The following TMEM135 variants were observed in gnomAD, a reference collection of about 807,000 sequenced individuals.
TMEM135 encodes transmembrane protein 135, also known as peroxisomal membrane protein 52.
A neutral mutation model predicts 60.3 loss-of-function variants in TMEM135; 30 were observed. The ratio of observed to expected loss-of-function variants is 0.50; its 90% CI spans 0.37 to 0.68. The LOEUF (loss-of-function observed/expected upper bound fraction) is 0.68. Ranked by LOEUF, TMEM135 falls within the 30% of genes least tolerant of loss-of-function variation. TMEM135 has a pLI of 0.00. For synonymous variants in TMEM135, 190 were observed against 186.7 expected (o/e 1.02, Z -0.14); for missense variants, 468 against 548.8 (o/e 0.85, Z 1.47).
At chr11:87,225,443 T>C (rs1228446586) in intron 5 of TMEM135, among the ~76,000 whole-genome samples, 1 of 152,100 alleles carries the variant, frequency 6.6e-6, no homozygotes, top group Non-Finnish European at 1.5e-5. Context: ...ATTATTATTA[T>C]GCTGAACTCT....
intron 4 of TMEM135, among the ~76,000 whole-genome samples, chr11:87,100,024 G>A (rs1014428177): frequency 6.6e-6 from 1 of 151,994 alleles, no homozygotes; most frequent in Non-Finnish European, 1.5e-5. Flanking sequence ...TGGCTGTATC[G>A]TTTTGTTAGG....
chr11:87,102,702 A>ATGTATATATG (rs1381146144), intron 4 of TMEM135, among the ~76,000 whole-genome samples: 44 of 82,834 alleles, frequency 5.3e-4, no homozygotes, highest in East Asian at 9.9e-4. Context: ...GTATATATAT[A>ATGTATATATG]TGTATATATA....
intron 4 of TMEM135, among the ~76,000 whole-genome samples, chr11:87,114,653 CAT>C (rs1395540465): frequency 1.3e-5 from 2 of 152,116 alleles, no homozygotes; most frequent in Admixed American, 6.6e-5. Flanking sequence ...GTATTTTAAA[CAT>C]GTATTCATTT....
intron 4 of TMEM135, among the ~76,000 whole-genome samples, chr11:87,143,499 C>T (rs1427708149): frequency 6.6e-6 from 1 of 151,834 alleles, no homozygotes; most frequent in African/African-American, 2.4e-5. Context: ...ACCTTAAGTT[C>T]TGCCCTCTGA....
intron 6 of TMEM135, among the ~76,000 whole-genome samples, chr11:87,264,426 G>C (rs568482606): frequency 6.6e-6 from 1 of 151,680 alleles, no homozygotes; most frequent in East Asian, 1.9e-4. Flanking sequence ...AGTTTGACAA[G>C]TATGTAGATA....
At chr11:87,317,650 T>C (rs1207448411) in intron 12 of TMEM135, among the ~76,000 whole-genome samples, 1 of 152,182 alleles carries the variant, frequency 6.6e-6, no homozygotes, top group Non-Finnish European at 1.5e-5. Context: ...TTTAATGCCA[T>C]GTTCTAGGTT....
intron 5 of TMEM135, among the ~76,000 whole-genome samples, chr11:87,195,437 T>G (rs1483473577): frequency 6.7e-6 from 1 of 149,358 alleles, no homozygotes; most frequent in Non-Finnish European, 1.5e-5. Flanking sequence ...CTTTCTCTCT[T>G]GTTTTTGAGA....
Position 87,319,337 on chromosome 11 carries a change from C to T in TMEM135, c.1204C>T (p.Pro402Ser). The change falls in exon 14 of 15, where the codon CCA becomes TCA. Residue 402 changes from proline to serine, a missense_variant. By Grantham distance (74) the Pro-to-Ser change is moderately conservative (BLOSUM62 -1). Coordinates refer to ENST00000305494, the MANE Select transcript of TMEM135 (RefSeq NM_022918.4). ...AAVMEVQTLR[P>S]SYWKFLLRLT... Reference sequence around the variant, plus strand: ...TGTCATGGAAGTTCAGACTTTGAGACCATCTTACTGGAAGTTCCTTTTAAG... The same window carrying T: ...TGTCATGGAAGTTCAGACTTTGAGATCATCTTACTGGAAGTTCCTTTTAAG... The T allele has an allele frequency of 6.2e-7, 1 of 1,613,342 alleles. No individual in the cohort carries two copies.
At chr11:87,207,539 A>G (rs187439667) in intron 5 of TMEM135, among the ~76,000 whole-genome samples, 1 of 152,210 alleles carries the variant, frequency 6.6e-6, no homozygotes, top group Non-Finnish European at 1.5e-5. Context: ...AGATATGATA[A>G]TAATCATCAC....
intron 4 of TMEM135, among the ~76,000 whole-genome samples, chr11:87,140,720 G>A (rs935343277): frequency 3.3e-5 from 5 of 152,132 alleles, no homozygotes; most frequent in Non-Finnish European, 7.4e-5. Context: ...GATCATAAAT[G>A]TTTTCTCCAG....
At chr11:87,312,603 AATAT>A in intron 10 of TMEM135, among the ~76,000 whole-genome samples, 1 of 151,972 alleles carries the variant, frequency 6.6e-6, no homozygotes, top group Non-Finnish European at 1.5e-5. Flanking sequence ...AGCTATAGAC[AATAT>A]ATAAATGAAC....
intron 5 of TMEM135, among the ~76,000 whole-genome samples, chr11:87,181,523 T>C (rs1040894195): frequency 3.3e-5 from 5 of 152,178 alleles, no homozygotes; most frequent in Non-Finnish European, 7.4e-5. Context: ...TATATGACAT[T>C]CTGCAAAAGC....
chr11:87,309,595 C>A lies in TMEM135; in HGVS notation c.859C>A (p.Arg287=). Residue 287 remains arginine, a synonymous_variant, in exon 10 of 15, where the codon CGG becomes AGG. Coordinates refer to ENST00000305494, the MANE Select transcript of TMEM135 (RefSeq NM_022918.4). ...AFRHLFTQPS[R]LLSLFYNKEN... ...TAGGCATCTGTTTACACAGCCATCT[C>A]GGCTACTTTCTCTCTTCTACAATAA... 2 of 1,613,878 alleles carry A rather than the reference C, an allele frequency of 1.2e-6. No individual in the cohort carries two copies. The highest frequency in any genetic ancestry group is 1.7e-6 in the Non-Finnish European group (2 of 1,179,832).
At chr11:87,064,432 C>T (rs1856608214) in intron 1 of TMEM135, among the ~76,000 whole-genome samples, 1 of 152,104 alleles carries the variant, frequency 6.6e-6, no homozygotes, top group Non-Finnish European at 1.5e-5. Flanking sequence ...AACAAAAATA[C>T]TGCCATTGAT....
chr11:87,175,153 T>C (rs1163445688), intron 5 of TMEM135, among the ~76,000 whole-genome samples: 1 of 152,156 alleles, frequency 6.6e-6, no homozygotes. Flanking sequence ...ATCTTGATAT[T>C]TATTTCAGTT....
chr11:87,248,308 A>G (rs940239939), intron 6 of TMEM135, among the ~76,000 whole-genome samples: 2 of 152,170 alleles, frequency 1.3e-5, no homozygotes, highest in Admixed American at 6.5e-5. Context: ...ACTAATTTAC[A>G]TTGCCACCAA....
At chr11:87,184,543 T>C (rs906677399) in intron 5 of TMEM135, among the ~76,000 whole-genome samples, 1 of 151,974 alleles carries the variant, frequency 6.6e-6, no homozygotes, top group African/African-American at 2.4e-5. Flanking sequence ...AATGAAGGAG[T>C]TTCTAGTGGC....
At chr11:87,145,862 T>C (rs1288615954) in intron 4 of TMEM135, among the ~76,000 whole-genome samples, 1 of 152,228 alleles carries the variant, frequency 6.6e-6, no homozygotes, top group East Asian at 1.9e-4. Context: ...TTGCAACCAT[T>C]TTCTCCCAAT....
chr11:87,275,088 C>G (rs1941944586), intron 6 of TMEM135, among the ~76,000 whole-genome samples: 1 of 151,744 alleles, frequency 6.6e-6, no homozygotes, highest in African/African-American at 2.4e-5. Context: ...CAGACCCCTG[C>G]AATTTTTCTG....
Sources: allele counts gnomAD v4.1 joint callset (sites outside exome capture counted in the v4.1 genomes callset), GRCh38; gene constraint gnomAD v4.1.1; transcripts MANE v1.5; gene names NCBI Gene and HGNC (gene_info 2026-07-23, HGNC 2026-07-21).